Variants in CELF4 observed in about 807,000 individuals in gnomAD.
CELF4 encodes the protein CUGBP Elav-like family member 4.
In CELF4, 18 loss-of-function variants were observed where a neutral mutation model predicts 59.9. The ratio of observed to expected loss-of-function variants is 0.30; its 90% confidence interval spans 0.21 to 0.45. The LOEUF is 0.45. Among genes scored for constraint, CELF4 ranks in the 20% least tolerant of loss-of-function variants. The pLI is 1.00. For synonymous variants in CELF4, 261 were observed against 267.1 expected (o/e 0.98, Z 0.22); for missense variants, 456 against 689.0 (o/e 0.66, Z 3.79).
chr18:37,541,335 C>T (rs1473226876), intron 1 of CELF4, among the ~76,000 whole-genome samples: 3 of 152,112 alleles, frequency 2.0e-5, no homozygotes, highest in South Asian at 4.2e-4. Flanking sequence ...TGCCTCTATT[C>T]GTCCTGGGCG....
At chr18:37,333,049 G>A (rs112458218) in intron 2 of CELF4, among the ~76,000 whole-genome samples, 103 of 152,336 alleles carry the variant, frequency 6.8e-4, no homozygotes, top group African/African-American at 2.4e-3. Context: ...GTGGGGGAGT[G>A]AGGGTGTGCA....
chr18:37,328,820 G>A (rs374534050), intron 2 of CELF4, among the ~76,000 whole-genome samples: 4 of 152,102 alleles, frequency 2.6e-5, no homozygotes, highest in African/African-American at 7.2e-5. Context: ...AGACCCGCAC[G>A]CTAGAGCTCA....
chr18:37,524,238 C>T (rs997250207), intron 1 of CELF4, among the ~76,000 whole-genome samples: 3 of 152,168 alleles, frequency 2.0e-5, no homozygotes, highest in Non-Finnish European at 4.4e-5. Context: ...GGAGGGAAGG[C>T]AGGGAAGCCA....
intron 2 of CELF4, among the ~76,000 whole-genome samples, chr18:37,480,947 G>A (rs778951963): frequency 2.6e-5 from 4 of 152,110 alleles, no homozygotes; most frequent in Admixed American, 1.3e-4. Flanking sequence ...CTGAGATAGC[G>A]GTGCTAGAAA....
chr18:37,364,581 A>G (rs567619156), intron 2 of CELF4, among the ~76,000 whole-genome samples: 1 of 152,120 alleles, frequency 6.6e-6, no homozygotes, highest in Non-Finnish European at 1.5e-5. Context: ...TTGGGGCTCC[A>G]TCTCCCTGGG....
At chr18:37,531,209 A>AT (rs2154605064) in intron 1 of CELF4, among the ~76,000 whole-genome samples, 1 of 152,242 alleles carries the variant, frequency 6.6e-6, no homozygotes, top group Admixed American at 6.5e-5. Flanking sequence ...AGGTACTGGG[A>AT]GACCCTTCTA....
intron 2 of CELF4, among the ~76,000 whole-genome samples, chr18:37,409,240 C>G (rs1225822172): frequency 1.3e-5 from 2 of 152,236 alleles, no homozygotes; most frequent in African/African-American, 4.8e-5. Context: ...TTTGGTGCCT[C>G]TTGCCCTTTT....
At chr18:37,408,459 GTT>G (rs5824056) in intron 2 of CELF4, among the ~76,000 whole-genome samples, 1 of 126,836 alleles carries the variant, frequency 7.9e-6, no homozygotes, top group African/African-American at 2.9e-5. Flanking sequence ...AATCAAGAAG[GTT>G]TTTTTTTTTT....
At chr18:37,293,211 C>T (rs1188654707) in intron 3 of CELF4, among the ~76,000 whole-genome samples, 3 of 152,228 alleles carry the variant, frequency 2.0e-5, no homozygotes, top group African/African-American at 7.2e-5. Flanking sequence ...TGGCTTAGAG[C>T]AACACGGATC....
intron 2 of CELF4, among the ~76,000 whole-genome samples, chr18:37,450,110 C>G (rs1014057972): frequency 4.6e-5 from 7 of 151,932 alleles, no homozygotes; most frequent in African/African-American, 1.2e-4. Context: ...GGGAAGGGAG[C>G]AGGGAAGGCT....
chr18:37,556,587 T>C (rs1324763872), intron 1 of CELF4, among the ~76,000 whole-genome samples: 1 of 152,196 alleles, frequency 6.6e-6, no homozygotes, highest in East Asian at 1.9e-4. Flanking sequence ...CTGTGGCTGC[T>C]GTTGTGCCTA....
At chr18:37,502,957 A>AGAAGGAT (rs2099933503) in intron 1 of CELF4, among the ~76,000 whole-genome samples, 1 of 152,178 alleles carries the variant, frequency 6.6e-6, no homozygotes, top group Admixed American at 6.5e-5. Context: ...AGCTGCCCAA[A>AGAAGGAT]GAAGGATGGG....
At chr18:37,392,869 A>C (rs571637463) in intron 2 of CELF4, among the ~76,000 whole-genome samples, 6 of 152,160 alleles carry the variant, frequency 3.9e-5, no homozygotes, top group Non-Finnish European at 8.8e-5. Flanking sequence ...CATCTGCTTC[A>C]TCCTCTTCAA....
At chr18:37,394,287 G>T (rs1461112105) in intron 2 of CELF4, among the ~76,000 whole-genome samples, 2 of 152,246 alleles carry the variant, frequency 1.3e-5, no homozygotes, top group African/African-American at 4.8e-5. Flanking sequence ...GACGCGGGGC[G>T]GGAGGCAGGA....
At chr18:37,377,742 G>A (rs2098987378) in intron 2 of CELF4, among the ~76,000 whole-genome samples, 1 of 152,204 alleles carries the variant, frequency 6.6e-6, no homozygotes, top group African/African-American at 2.4e-5. Context: ...TCAGAGGCAG[G>A]ACCCTTCTCT....
chr18:37,263,037 C>G (rs1250633026), intron 10 of CELF4, among the ~76,000 whole-genome samples: 1 of 152,162 alleles, frequency 6.6e-6, no homozygotes, highest in Non-Finnish European at 1.5e-5. Context: ...GCCTCATGCA[C>G]AGCCTTGGAA....
intron 1 of CELF4, among the ~76,000 whole-genome samples, chr18:37,512,659 C>G (rs370649109): frequency 6.6e-6 from 1 of 150,966 alleles, no homozygotes; most frequent in South Asian, 2.1e-4. Context: ...TTCTCCATCT[C>G]TTTCTTCTCC....
chr18:37,463,828 G>A (rs931138812), intron 2 of CELF4, among the ~76,000 whole-genome samples: 5 of 152,038 alleles, frequency 3.3e-5, no homozygotes, highest in African/African-American at 9.7e-5. Flanking sequence ...TACCTTTGTG[G>A]GTGTTTTCTA....
chr18:37,521,049 T>C (rs1455082993), intron 1 of CELF4, among the ~76,000 whole-genome samples: 1 of 64,090 alleles, frequency 1.6e-5, no homozygotes, highest in Admixed American at 2.1e-4. Flanking sequence ...GCCTAGGGGA[T>C]GGGATGTGGG....
Sources: allele counts gnomAD v4.1 joint callset (sites outside exome capture counted in the v4.1 genomes callset), GRCh38; gene constraint gnomAD v4.1.1; transcripts MANE v1.5; gene names NCBI Gene and HGNC (gene_info 2026-07-23, HGNC 2026-07-21).